The following ESYT2 variants were observed in gnomAD, a reference collection of about 807,000 sequenced individuals.
The protein encoded by ESYT2 is extended synaptotagmin 2.
Under a neutral mutation model 107.2 loss-of-function variants are expected in ESYT2, and 54 were observed. The ratio of observed to expected loss-of-function variants is 0.50; its 90% CI spans 0.40 to 0.63. The LOEUF (loss-of-function observed/expected upper bound fraction) is 0.63, where lower values mean the gene tolerates loss of function less well. ESYT2 is among the 30% of genes least tolerant of loss of function. ESYT2 has a pLI of 0.00. For missense variants in ESYT2, 1,020 were observed against 1,094.5 expected (o/e 0.93, Z 0.96); for synonymous variants, 491 against 434.1 (o/e 1.13, Z -1.63).
chr7:158,754,789 C>T (rs781030454), intron 13 of ESYT2, among the ~76,000 whole-genome samples: 4 of 152,160 alleles, frequency 2.6e-5, no homozygotes, highest in Non-Finnish European at 4.4e-5. Flanking sequence ...AGCTCTCCCA[C>T]GCACTGAAGC....
chr7:158,787,294 A>G (rs1839146346), intron 6 of ESYT2, among the ~76,000 whole-genome samples: 1 of 152,246 alleles, frequency 6.6e-6, no homozygotes, highest in Non-Finnish European at 1.5e-5. Flanking sequence ...TCAATATAAG[A>G]AACTTTTTGA....
intron 6 of ESYT2, among the ~76,000 whole-genome samples, chr7:158,785,978 G>A (rs1285282740): frequency 6.6e-6 from 1 of 152,142 alleles, no homozygotes; most frequent in Non-Finnish European, 1.5e-5. Flanking sequence ...GGATGAGGAG[G>A]AATTACTTGG....
At position 158,760,077 on chromosome 7, in the gene ESYT2, T is replaced by A; in HGVS notation, c.1304A>T (p.Asn435Ile). The A allele has an allele frequency of 6.2e-7, 1 of 1,614,216 alleles. No individual in the cohort carries two copies. The highest frequency in any genetic ancestry group is 8.5e-7 in the Non-Finnish European group (1 of 1,180,034). The change falls in exon 12 of 23, where the codon AAT becomes ATT. Residue 435 changes from asparagine to isoleucine, a missense_variant. Coordinates refer to ENST00000275418, the MANE Select transcript of ESYT2 (RefSeq NM_001367773.1). The stretch of plus-strand genomic sequence containing the variant: ...CAGCACCTTGTCGAGGTTTGACGCA[T>A]TTGGCATTAACGTGAGCCACTCCAG... ...LRLEWLTLMP[N>I]ASNLDKVLTD...
In ESYT2 at chr7:158,732,139, T is replaced by C. The variant is rs3763409; in HGVS notation, c.*2068A>G. ...TTAAGCAAAATACACATGGAGCGGA[T>C]TACACACTGGACTGCAGAACTCAGA... is the stretch of plus-strand genomic sequence containing the variant. On this transcript the variant is annotated 3_prime_UTR_variant, in exon 23 of 23. Transcript: ENST00000275418. 0.26 allele frequency: 38,954 copies of C among 152,140 alleles called. 6,095 individuals carry two copies. The highest frequency in any genetic ancestry group is 0.6 in the East Asian group (3,104 of 5,164). The allele number at this position is 152,140 out of a possible 1,614,324, so 9.4% of individuals were successfully genotyped here. A position where few individuals can be genotyped will look rare whatever the true frequency, so the allele number is the denominator to read the frequency against.
chr7:158,800,563 A>T (rs968434893), intron 1 of ESYT2, among the ~76,000 whole-genome samples: 3 of 151,612 alleles, frequency 2.0e-5, no homozygotes, highest in African/African-American at 7.3e-5. Context: ...GCTAATTTTT[A>T]AATTTTTTTA....
chr7:158,773,236 C>T, intron 7 of ESYT2, 105 bp downstream of exon 7: 2 of 1,249,944 alleles, frequency 1.6e-6, no homozygotes, highest in Non-Finnish European at 2.4e-6. Flanking sequence ...CACCCATTCA[C>T]CTGGCAGACG....
At chr7:158,794,545 C>G (rs575224418) in intron 3 of ESYT2, among the ~76,000 whole-genome samples, 1 of 152,130 alleles carries the variant, frequency 6.6e-6, no homozygotes, top group Non-Finnish European at 1.5e-5. Flanking sequence ...AATCCCCGCA[C>G]TTTGGCAGGT....
Position 158,798,048 on chromosome 7 carries a change from C to CA in ESYT2, c.400dup (p.Cys134LeufsTer24). 6.2e-7 allele frequency: 1 copy of CA among 1,614,012 alleles called. No homozygotes were observed. Among genetic ancestry groups the CA allele is most frequent in the Non-Finnish European group, 8.5e-7 (1 of 1,180,002 alleles). ...TCGAAACAACTTCTCTATAAATTGG[C>CA]AAATGAAAGGCCACATGTGTTTTAC... On this transcript the variant is annotated frameshift_variant, in exon 3 of 23. Transcript: ENST00000275418. LOFTEE classifies it high-confidence loss of function.
chr7:158,782,667 T>C (rs773277330), intron 6 of ESYT2, among the ~76,000 whole-genome samples: 1 of 151,896 alleles, frequency 6.6e-6, no homozygotes, highest in Non-Finnish European at 1.5e-5. Context: ...AAAGAACAAG[T>C]GTGAGAACAA....
intron 16 of ESYT2, among the ~76,000 whole-genome samples, chr7:158,747,411 TA>T (rs1837442156): frequency 6.9e-6 from 1 of 144,146 alleles, no homozygotes; most frequent in Non-Finnish European, 1.5e-5. Flanking sequence ...AGAAGACAAA[TA>T]ACCAAATAAA....
intron 6 of ESYT2, among the ~76,000 whole-genome samples, chr7:158,774,273 T>C (rs758143178): frequency 6.6e-6 from 1 of 152,152 alleles, no homozygotes. Flanking sequence ...TTCTTATAGA[T>C]AGAACAAAAC....
intron 14 of ESYT2, among the ~76,000 whole-genome samples, chr7:158,751,213 T>C (rs1587388262): frequency 1.3e-5 from 2 of 152,186 alleles, no homozygotes; most frequent in African/African-American, 4.8e-5. Context: ...CCATTTTCTG[T>C]TTAGGTATAC....
intron 1 of ESYT2, among the ~76,000 whole-genome samples, chr7:158,810,795 G>T (rs1375477567): frequency 1.3e-5 from 2 of 152,126 alleles, no homozygotes; most frequent in Non-Finnish European, 2.9e-5. Flanking sequence ...GGGTGGCTAG[G>T]GTAGGCGTGA....
chr7:158,767,455 C>A (rs1219939830), intron 8 of ESYT2, among the ~76,000 whole-genome samples, 199 bp downstream of exon 8: 2 of 152,190 alleles, frequency 1.3e-5, no homozygotes, highest in Non-Finnish European at 2.9e-5. Flanking sequence ...GCTGTCTCCA[C>A]GACAAGCTTT....
chr7:158,825,942 T>C (rs1039664250), intron 1 of ESYT2, among the ~76,000 whole-genome samples: 12 of 150,902 alleles, frequency 8.0e-5, no homozygotes, highest in Non-Finnish European at 2.9e-5. Flanking sequence ...CCCCACACTT[T>C]AGGAAGTCTA....
Position 158,764,691 on chromosome 7 carries a change from T to G in ESYT2, c.1087A>C (p.Asn363His). 1 of 1,614,060 alleles carries G rather than the reference T, an allele frequency of 6.2e-7. No individual in the cohort carries two copies. Among genetic ancestry groups the G allele is most frequent in the Non-Finnish European group, 8.5e-7 (1 of 1,179,958 alleles). ...CGACACCCCACCTCATAGACTTCAT[T>G]CCACTTTGGACTGAGGTTCTCCTTG... The part of the protein sequence containing the change: ...VIKENLSPKW[N>H]EVYEALVYEH... The change falls in exon 9 of 23, where the codon AAT (asparagine) becomes CAT (histidine). Residue 363 changes from asparagine (N) to histidine (H), a missense_variant. Asn to His is a moderately conservative substitution (Grantham distance 68). Coordinates refer to ENST00000275418, the MANE Select transcript of ESYT2 (RefSeq NM_001367773.1).
At position 158,741,628 on chromosome 7, in the gene ESYT2, GAGGCCAGGA is replaced by G; in HGVS notation, c.2054_2062del (p.Leu685_Ser688delinsPro). 5.6e-6 allele frequency: 9 copies of G among 1,613,454 alleles called. No homozygotes were observed. Among genetic ancestry groups the G allele is most frequent in the Non-Finnish European group, 7.6e-6 (9 of 1,180,014 alleles). On this transcript the variant is annotated inframe_deletion, in exon 18 of 23. Coordinates refer to ENST00000275418, the MANE Select transcript of ESYT2 (RefSeq NM_001367773.1). ...CTCCTTGACTGAGATGTGGCCTGGGGAGGCCAGGAGGCTGGAGGAGCTTCTGCCCAGGTC... is the reference window on the plus strand; with the variant it reads ...CTCCTTGACTGAGATGTGGCCTGGGGGGCTGGAGGAGCTTCTGCCCAGGTC...
chr7:158,782,590 G>A (rs1663890366), intron 6 of ESYT2, among the ~76,000 whole-genome samples: 1 of 80,408 alleles, frequency 1.2e-5, no homozygotes, highest in Admixed American at 1.4e-4. Context: ...AAGAATGAGT[G>A]TGAAGGAACA....
intron 1 of ESYT2, among the ~76,000 whole-genome samples, chr7:158,800,974 G>A (rs1033598944): frequency 5.3e-5 from 8 of 152,122 alleles, no homozygotes; most frequent in African/African-American, 1.9e-4. Flanking sequence ...GCCAACCCTT[G>A]CCTGTGTGGT....
Sources: allele counts gnomAD v4.1 joint callset (sites outside exome capture counted in the v4.1 genomes callset), GRCh38; gene constraint gnomAD v4.1.1; transcripts MANE v1.5; gene names NCBI Gene and HGNC (gene_info 2026-07-23, HGNC 2026-07-21).